The following HELLS variants were observed in gnomAD, a reference collection of about 807,000 sequenced individuals.
The protein encoded by HELLS is helicase, lymphoid specific, also known as lymphoid-specific helicase.
In HELLS, 32 loss-of-function variants were observed where a neutral mutation model predicts 120.0. The ratio of observed to expected loss-of-function variants is 0.27; its 90% CI spans 0.20 to 0.36. The LOEUF is 0.36. HELLS is among the 10% of genes least tolerant of loss of function. The pLI is 1.00. For synonymous variants in HELLS, 341 were observed against 323.4 expected (o/e 1.05, Z -0.58); for missense variants, 650 against 993.4 (o/e 0.65, Z 4.65).
chr10:94,609,127 G>A (rs959407760), intron 9 of HELLS, among the ~76,000 whole-genome samples: 3 of 143,876 alleles, frequency 2.1e-5, no homozygotes, highest in Admixed American at 7.4e-5. Flanking sequence ...AGGTTCAAGC[G>A]ATTCTCCTGC....
Position 94,545,902 on chromosome 10 carries a change from TC to T in HELLS, c.-17del. The T allele has an allele frequency of 6.4e-7, 1 of 1,553,162 alleles. No individual in the cohort carries two copies. The highest frequency in any genetic ancestry group is 8.7e-7 in the Non-Finnish European group (1 of 1,147,628). On this transcript the variant is annotated 5_prime_UTR_variant, in exon 1 of 22. Coordinates refer to ENST00000348459, the MANE Select transcript of HELLS (RefSeq NM_018063.5). ...AGGCTCTGAGAGGAGGGGACCCGGT[TC>T]CCGGGTGAGTGTCCAGGCATGCCAG... is the stretch of plus-strand genomic sequence containing the variant.
intron 12 of HELLS, among the ~76,000 whole-genome samples, chr10:94,586,705 AT>A (rs558714176): frequency 2.6e-5 from 4 of 151,420 alleles, no homozygotes; most frequent in Non-Finnish European, 4.4e-5. Context: ...TAGTAGTAGT[AT>A]TTTTTTTGAG....
At chr10:94,587,394 C>T (rs1022543716) in intron 12 of HELLS, among the ~76,000 whole-genome samples, 1 of 151,992 alleles carries the variant, frequency 6.6e-6, no homozygotes, top group African/African-American at 2.4e-5. Flanking sequence ...CATTTGTTAC[C>T]CTTTGTGTTA....
At position 94,587,624 on chromosome 10, in the gene HELLS, C is replaced by T. The variant is rs929278908; in HGVS notation, c.1327-605C>T. 2.6e-5 allele frequency among the ~76,000 whole-genome samples: 4 copies of T among 152,194 alleles called. No homozygotes were observed. The East Asian group carries it at 5.8e-4, about 22-fold the overall frequency. ...TGTATTTTTAGTGGAGATGGGGTTT[C>T]ACCATGTTCACCAGGCTGGTCTCAA... On this transcript the variant is annotated intron_variant, in intron 12 of 21. Coordinates refer to ENST00000348459, the MANE Select transcript of HELLS (RefSeq NM_018063.5).
rs1305237912 is a variant in HELLS, at chr10:94,602,041, T to G, written c.*419T>G. Reference sequence around the variant, plus strand: ...GCTCTCTGTTGTTTAAGAAACTGTTTGATTTTAGAGTCTATTTCTATGAGA... The same window carrying G: ...GCTCTCTGTTGTTTAAGAAACTGTTGGATTTTAGAGTCTATTTCTATGAGA... On this transcript the variant is annotated 3_prime_UTR_variant, in exon 22 of 22. Coordinates refer to ENST00000348459, the MANE Select transcript of HELLS (RefSeq NM_018063.5). 3.3e-5 allele frequency: 5 copies of G among 152,872 alleles called. No homozygotes were observed. The highest frequency in any genetic ancestry group is 1.2e-4 in the African/African-American group (5 of 41,460). 9.5% of individuals were successfully genotyped at this position (152,872 alleles called of 1,614,324 possible).
intron 6 of HELLS, among the ~76,000 whole-genome samples, chr10:94,565,197 A>T (rs1843730900): frequency 6.6e-6 from 1 of 152,022 alleles, no homozygotes; most frequent in African/African-American, 2.4e-5. Flanking sequence ...ATTAGCTGGG[A>T]ATGGTGGCTT....
Position 94,590,623 on chromosome 10 carries a change from T to TTG in HELLS, c.1629-15_1629-14insTG. 6.2e-7 allele frequency: 1 copy of TTG among 1,606,636 alleles called. No individual in the cohort carries two copies. ...TTTTTTGCATTTCCCATATATGCAT[T>TTG]ATTTGTTTTGGTAGAGCTGTTGTGG... On this transcript the variant is annotated splice_polypyrimidine_tract_variant and intron_variant, in intron 14 of 21. Coordinates refer to ENST00000348459, the MANE Select transcript of HELLS (RefSeq NM_018063.5).
chr10:94,581,796 AT>A (rs1272517913), intron 11 of HELLS, among the ~76,000 whole-genome samples: 1 of 152,212 alleles, frequency 6.6e-6, no homozygotes, highest in African/African-American at 2.4e-5. Context: ...TTTGTAAAAC[AT>A]TTTAAGATGG....
chr10:94,574,880 C>T (rs1844355556), intron 9 of HELLS, 144 bp downstream of exon 9: 1 of 605,350 alleles, frequency 1.7e-6, no homozygotes, highest in African/African-American at 1.8e-5. Context: ...TCAATCTGCA[C>T]AATACCCTAA....
chr10:94,577,096 GGT>G, intron 10 of HELLS: 1 of 505,852 alleles, frequency 2.0e-6, no homozygotes, highest in Non-Finnish European at 3.7e-6. Flanking sequence ...ATTTGTGACA[GGT>G]ACTTTGAATA....
intron 8 of HELLS, 182 bp from the exon 9 acceptor site, chr10:94,574,372 C>T (rs1589731412): frequency 1.4e-6 from 1 of 693,482 alleles, no homozygotes. Flanking sequence ...TTAATGGCTT[C>T]CAGCACTTTT....
intron 19 of HELLS, 141 bp downstream of exon 19, chr10:94,594,995 C>G: frequency 1.7e-6 from 1 of 603,896 alleles, no homozygotes; most frequent in Admixed American, 3.1e-5. Flanking sequence ...TTTGGGATGC[C>G]AAGGTGAGTG....
chr10:94,557,979 A>G (rs1258932081), intron 3 of HELLS, among the ~76,000 whole-genome samples, 160 bp from the exon 4 acceptor site: 1 of 152,208 alleles, frequency 6.6e-6, no homozygotes, highest in Non-Finnish European at 1.5e-5. Flanking sequence ...AATCTGTCCC[A>G]TTAGTCCATA....
chr10:94,563,050 A>G (rs1051225974), intron 6 of HELLS, among the ~76,000 whole-genome samples, 174 bp downstream of exon 6: 5 of 152,040 alleles, frequency 3.3e-5, no homozygotes, highest in African/African-American at 9.6e-5. Flanking sequence ...CTATCTACCA[A>G]CCTACAGTAG....
chr10:94,554,627 A>G (rs567647728), intron 3 of HELLS, among the ~76,000 whole-genome samples: 1 of 149,812 alleles, frequency 6.7e-6, no homozygotes, highest in Non-Finnish European at 1.5e-5. Flanking sequence ...AATCCTTGGA[A>G]TCTTCAAAGT....
chr10:94,565,891 T>A (rs1379603907), intron 6 of HELLS, among the ~76,000 whole-genome samples: 1 of 148,512 alleles, frequency 6.7e-6, no homozygotes, highest in African/African-American at 2.5e-5. Flanking sequence ...AAGTAGTCAA[T>A]GAAATTGAAT....
exon 10 of HELLS, chr10:94,612,403 G>A (rs1846202009): frequency 1.3e-5 from 2 of 152,108 alleles, no homozygotes; most frequent in African/African-American, 4.8e-5. Context: ...CCTTTTCAGG[G>A]AATATGTGAG....
Position 94,555,076 on chromosome 10 carries a change from G to A in HELLS, c.276+828G>A, listed in dbSNP as rs1268814589. Among the ~76,000 whole-genome samples, 3 of 152,132 alleles carry A rather than the reference G, an allele frequency of 2.0e-5. No individual in the cohort carries two copies. The East Asian group carries it at 5.8e-4, about 29-fold the overall frequency. On this transcript the variant is annotated intron_variant, in intron 3 of 21. Coordinates refer to ENST00000348459, the MANE Select transcript of HELLS (RefSeq NM_018063.5). ...GAGGTTGGCTTGAGCCAAGGAGATT[G>A]AGGCTGCAGTGAACTGTGATGGCAC...
chr10:94,593,579 T>C lies in HELLS; in HGVS notation c.2052T>C (p.Thr684=). The change falls in exon 18 of 22, where the codon ACT becomes ACC. Residue 684 remains threonine, a synonymous_variant. Coordinates refer to ENST00000348459, the MANE Select transcript of HELLS (RefSeq NM_018063.5). ...TRAGGLGINL[T]AADTVIIYDS... ...CTGGTGGCCTGGGCATTAATCTGAC[T>C]GCAGCAGATACAGTTATCATTTATG... The C allele has an allele frequency of 2.5e-6, 4 of 1,607,326 alleles. No individual in the cohort carries two copies. The highest frequency in any genetic ancestry group is 3.4e-6 in the Non-Finnish European group (4 of 1,173,798).
Sources: gnomAD v4.1 joint callset for allele counts (sites outside exome capture counted in the v4.1 genomes callset) on GRCh38, gnomAD v4.1.1 for gene constraint, MANE v1.5 for transcripts, NCBI Gene and HGNC (gene_info 2026-07-23, HGNC 2026-07-21) for gene names.